The following DYNLT5 variants were observed in gnomAD, a reference collection of about 807,000 sequenced individuals.
DYNLT5 encodes dynein light chain Tctex-type family member 5, also known as dynein light chain Tctex-type 5.
A neutral mutation model predicts 19.3 loss-of-function variants in DYNLT5; 25 were observed. The observed-to-expected ratio is 1.30, with a 90% CI of 0.95 to 1.81. DYNLT5 has a LOEUF of 1.81. Ranked by LOEUF, DYNLT5 falls within the 40% of genes most tolerant of loss-of-function variation. The pLI, the probability that DYNLT5 is intolerant of heterozygous loss-of-function variation, is 0.00. For missense variants in DYNLT5, 232 were observed against 217.9 expected (o/e 1.06, Z -0.41); for synonymous variants, 82 against 68.9 (o/e 1.19, Z -0.94).
chr1:66,761,225 A>C (rs1314802765), intron 2 of DYNLT5, among the ~76,000 whole-genome samples: 1 of 152,216 alleles, frequency 6.6e-6, no homozygotes, highest in Non-Finnish European at 1.5e-5. Context: ...AAGTCACATG[A>C]ATGTTTTAGT....
At chr1:66,768,452 A>G (rs558071915) in intron 2 of DYNLT5, among the ~76,000 whole-genome samples, 4 of 152,204 alleles carry the variant, frequency 2.6e-5, no homozygotes, top group Non-Finnish European at 5.9e-5. Flanking sequence ...ATTTATCTAC[A>G]ATAACTCAAA....
At chr1:66,773,391 G>A (rs1645215152) in intron 3 of DYNLT5, among the ~76,000 whole-genome samples, 1 of 152,142 alleles carries the variant, frequency 6.6e-6, no homozygotes, top group African/African-American at 2.4e-5. Flanking sequence ...GGTTTTCTTA[G>A]AGCCTGTCAA....
intron 2 of DYNLT5, among the ~76,000 whole-genome samples, chr1:66,759,397 C>CA (rs2094641856): frequency 6.6e-6 from 1 of 152,122 alleles, no homozygotes; most frequent in Admixed American, 6.6e-5. Context: ...AATGAAAACT[C>CA]ACACCATAGA....
At chr1:66,768,705 A>G (rs1277823959) in intron 2 of DYNLT5, 1 of 152,192 alleles carries the variant, frequency 6.6e-6, no homozygotes, top group Non-Finnish European at 1.5e-5. Context: ...AATTTTTAAT[A>G]TGGTGTTCAG....
chr1:66,762,445 C>T (rs1476563056), intron 2 of DYNLT5, among the ~76,000 whole-genome samples: 1 of 152,188 alleles, frequency 6.6e-6, no homozygotes, highest in Non-Finnish European at 1.5e-5. Context: ...ATCAAGTTCT[C>T]TTTCTATTTC....
At chr1:66,777,229 C>G in intron 4 of DYNLT5, 22 bp from the exon 5 acceptor site, 1 of 1,594,708 alleles carries the variant, frequency 6.3e-7, no homozygotes, top group Non-Finnish European at 8.6e-7. Context: ...AATGAAGACC[C>G]TCCCTTTTTT....
Position 66,777,470 on chromosome 1 carries a change from C to A in DYNLT5, c.*16C>A, listed in dbSNP as rs1289649175. On this transcript the variant is annotated 3_prime_UTR_variant, in exon 5 of 5. Coordinates refer to ENST00000282670, the MANE Select transcript of DYNLT5 (RefSeq NM_152665.3). Reference sequence around the variant, plus strand: ...CCTTGAGTGATTGAAAATAAGAAATCTAGCTCTTACTTTTGAAAATTCTGA... The same window carrying A: ...CCTTGAGTGATTGAAAATAAGAAATATAGCTCTTACTTTTGAAAATTCTGA... 1.0e-5 allele frequency: 16 copies of A among 1,604,546 alleles called. No homozygotes were observed. The highest frequency in any genetic ancestry group is 1.3e-5 in the Non-Finnish European group (15 of 1,174,208).
intron 3 of DYNLT5, among the ~76,000 whole-genome samples, chr1:66,772,919 C>A (rs1645212063): frequency 6.6e-6 from 1 of 152,120 alleles, no homozygotes; most frequent in Non-Finnish European, 1.5e-5. Context: ...ATTCCTTGAG[C>A]AAGGTATTTA....
At chr1:66,769,220 C>T (rs187241645) in intron 2 of DYNLT5, among the ~76,000 whole-genome samples, 107 of 152,268 alleles carry the variant, frequency 7.0e-4, no homozygotes, top group African/African-American at 2.6e-3. Flanking sequence ...GATTAAGTCA[C>T]TCATCCAGAA....
intron 2 of DYNLT5, among the ~76,000 whole-genome samples, chr1:66,755,270 G>A (rs983018113): frequency 1.3e-5 from 2 of 151,922 alleles, no homozygotes; most frequent in Non-Finnish European, 2.9e-5. Context: ...GACACTTTAA[G>A]TTTGTTTCCA....
At chr1:66,761,366 TCATCTG>T (rs1384103266) in intron 2 of DYNLT5, among the ~76,000 whole-genome samples, 2 of 152,232 alleles carry the variant, frequency 1.3e-5, no homozygotes, top group African/African-American at 4.8e-5. Flanking sequence ...ATGCTAATGA[TCATCTG>T]AACCTTCAGC....
intron 4 of DYNLT5, among the ~76,000 whole-genome samples, 174 bp downstream of exon 4, chr1:66,776,577 G>GTA (rs35737694): frequency 3.3e-5 from 5 of 151,754 alleles, no homozygotes; most frequent in Non-Finnish European, 5.9e-5. Flanking sequence ...GTGTGTGTGT[G>GTA]TATATACATA....
rs1645253866 is a variant in DYNLT5, at chr1:66,778,902, A to G, written c.*1448A>G. 6.6e-6 allele frequency: 1 copy of G among 152,182 alleles called. No individual in the cohort carries two copies. The allele number at this position is 152,182 out of a possible 1,614,324, so 9.4% of individuals were successfully genotyped here. A position where few individuals can be genotyped will look rare whatever the true frequency, so the allele number is the denominator to read the frequency against. On this transcript the variant is annotated 3_prime_UTR_variant, in exon 5 of 5. Coordinates refer to ENST00000282670, the MANE Select transcript of DYNLT5 (RefSeq NM_152665.3). ...CTCCATAGAACAGTTTTCAATCTGG[A>G]TTAGATTACACGTATAACAAGTAAA...
At chr1:66,765,137 A>C (rs1175884923) in intron 2 of DYNLT5, among the ~76,000 whole-genome samples, 1 of 152,192 alleles carries the variant, frequency 6.6e-6, no homozygotes, top group Non-Finnish European at 1.5e-5. Context: ...ACAAATTTAT[A>C]CCCTGAAGAC....
chr1:66,769,570 T>C (rs1015590566), intron 2 of DYNLT5, among the ~76,000 whole-genome samples: 2 of 151,810 alleles, frequency 1.3e-5, no homozygotes, highest in African/African-American at 4.8e-5. Context: ...TGCTATTATA[T>C]CCTCCCCTTT....
chr1:66,754,079 A>G (rs2094631849), intron 1 of DYNLT5, among the ~76,000 whole-genome samples: 1 of 152,110 alleles, frequency 6.6e-6, no homozygotes, highest in Admixed American at 6.5e-5. Flanking sequence ...TATCTCTACA[A>G]AAAATTAAAA....
At chr1:66,761,289 AT>A (rs1175327235) in intron 2 of DYNLT5, among the ~76,000 whole-genome samples, 1 of 152,236 alleles carries the variant, frequency 6.6e-6, no homozygotes, top group African/African-American at 2.4e-5. Flanking sequence ...TCTATTAAGT[AT>A]TCAATAGCAT....
intron 1 of DYNLT5, 67 bp downstream of exon 1, chr1:66,752,651 C>T: frequency 1.1e-6 from 1 of 947,852 alleles, no homozygotes; most frequent in Non-Finnish European, 1.3e-6. Context: ...GGGATCGGCC[C>T]TTTGTTGAGA....
chr1:66,770,321 G>A (rs1262456194), intron 2 of DYNLT5, 66 bp from the exon 3 acceptor site: 10 of 1,057,008 alleles, frequency 9.5e-6, no homozygotes, highest in Non-Finnish European at 1.4e-5. Flanking sequence ...TTAGCTTAAA[G>A]CAATATTGTA....
Sources: allele counts gnomAD v4.1 joint callset (sites outside exome capture counted in the v4.1 genomes callset), GRCh38; gene constraint gnomAD v4.1.1; transcripts MANE v1.5; gene names NCBI Gene and HGNC (gene_info 2026-07-23, HGNC 2026-07-21).